The following MYO1F variants were observed in gnomAD, a reference collection of about 807,000 sequenced individuals.
MYO1F encodes the protein unconventional myosin-If.
A neutral mutation model predicts 146.6 loss-of-function variants in MYO1F; 60 were observed. The observed-to-expected ratio is 0.41, with a 90% CI of 0.33 to 0.51. The LOEUF (loss-of-function observed/expected upper bound fraction) is 0.51, where lower values mean the gene tolerates loss of function less well. MYO1F is among the 20% of genes least tolerant of loss of function. The pLI, the probability that MYO1F is intolerant of heterozygous loss-of-function variation, is 0.25. For synonymous variants in MYO1F, 602 were observed against 602.1 expected (o/e 1.00, Z 0.00); for missense variants, 1,274 against 1,534.3 (o/e 0.83, Z 2.83).
intron 1 of MYO1F, among the ~76,000 whole-genome samples, chr19:8,556,329 C>T (rs1291626963): frequency 6.7e-6 from 1 of 150,256 alleles, no homozygotes; most frequent in Non-Finnish European, 1.5e-5. Context: ...CGCACCCGGC[C>T]TCTTTTTTTT....
Position 8,577,010 on chromosome 19 carries a change from G to A in MYO1F, c.3+297C>T. ...TTAATTTGCAAGCAAAGGAGGCTAT[G>A]TCCTTGTCCCTGCAGACTCTGTGAT... On this transcript the variant is annotated intron_variant, in intron 1 of 27. Coordinates refer to ENST00000644032, the MANE Select transcript of MYO1F (RefSeq NM_012335.4). This position sits in a 1 kb window ranked among gnomAD's most constrained non-coding sequence, Gnocchi z 4.3. The A allele has an allele frequency of 1.7e-6, 1 of 582,382 alleles. No individual in the cohort carries two copies. Among genetic ancestry groups the A allele is most frequent in the South Asian group, 2.0e-5 (1 of 49,588 alleles). 36.1% of individuals were successfully genotyped at this position (582,382 alleles called of 1,614,324 possible). A position where few individuals can be genotyped will look rare whatever the true frequency, so the allele number is the denominator to read the frequency against.
intron 1 of MYO1F, among the ~76,000 whole-genome samples, chr19:8,571,581 A>T (rs1236386281): frequency 7.0e-6 from 1 of 143,524 alleles, no homozygotes; most frequent in African/African-American, 2.6e-5. Context: ...CGCCCGGCTA[A>T]TTTTTTTTTT....
At chr19:8,565,276 C>T (rs1196308946) in intron 1 of MYO1F, among the ~76,000 whole-genome samples, 1 of 152,060 alleles carries the variant, frequency 6.6e-6, no homozygotes, top group African/African-American at 2.4e-5. Flanking sequence ...GGTGCAGTAG[C>T]TCACGCCTGT....
rs939649517 is a variant in MYO1F, at chr19:8,555,710, T to A, written c.90A>T (p.Glu30Asp). The A allele has an allele frequency of 2.5e-6, 4 of 1,614,016 alleles. 1 individual carries two copies. The highest frequency in any genetic ancestry group is 3.4e-6 in the Non-Finnish European group (4 of 1,180,040). ...DDMVLLPQITEDAIAANLRKR... is the reference protein window; with the variant it reads ...DDMVLLPQITDDAIAANLRKR... ...TCCGGAGGTTGGCGGCAATGGCGTCTTCGGTGATCTGGGGAAGAAGCACCA... is the reference window on the plus strand; with the variant it reads ...TCCGGAGGTTGGCGGCAATGGCGTCATCGGTGATCTGGGGAAGAAGCACCA... Residue 30 changes from glutamate to aspartate, a missense_variant, in exon 2 of 28, where the codon GAA becomes GAT. Coordinates refer to ENST00000644032, the MANE Select transcript of MYO1F (RefSeq NM_012335.4).
rs1221238194 is a variant in MYO1F, at chr19:8,536,260, G to A, written c.2035C>T (p.Pro679Ser). 1 of 1,605,174 alleles carries A rather than the reference G, an allele frequency of 6.2e-7. No homozygotes were observed. The highest frequency in any genetic ancestry group is 8.5e-7 in the Non-Finnish European group (1 of 1,179,932). The stretch of plus-strand genomic sequence containing the variant: ...CCCTCAAACACACTCACCGACTCTG[G>A]GTTCTTGACAAAGACCTTGGTGCTC... ...MGSTKVFVKN[P>S]ESLFLLEEVR... Residue 679 changes from proline (P) to serine (S), a missense_variant, in exon 19 of 28, where the codon CCA (proline) becomes TCA (serine). This residue lies in a region of MYO1F where 900 missense variants were observed against 1,155.1 expected (regional missense o/e 0.78). Transcript: ENST00000644032.
At position 8,550,330 on chromosome 19, in the gene MYO1F, C is replaced by T. The variant is rs1237539572; in HGVS notation, c.931G>A (p.Gly311Ser). 6.2e-7 allele frequency: 1 copy of T among 1,613,492 alleles called. No homozygotes were observed. The highest frequency in any genetic ancestry group is 2.2e-5 in the East Asian group (1 of 44,852). The change falls in exon 10 of 28, where the codon GGC (glycine) becomes AGC (serine). Residue 311 changes from glycine (G) to serine (S), a missense_variant. Physicochemically the swap from Gly to Ser is moderately conservative, Grantham distance 56 (BLOSUM62 0). This residue lies in a region of MYO1F where 900 missense variants were observed against 1,155.1 expected (regional missense o/e 0.78). Coordinates refer to ENST00000644032, the MANE Select transcript of MYO1F (RefSeq NM_012335.4). ...DLLAFPAYLL[G>S]IDSGRLQEKL... The stretch of plus-strand genomic sequence containing the variant: ...TCCTGCAGTCGCCCGCTGTCAATGC[C>T]CAGCAGGTAGGCGGGAAAGGCCAGG...
At chr19:8,532,901 A>AAAATATATAT (rs1172873322) in intron 19 of MYO1F, among the ~76,000 whole-genome samples, 8 of 47,842 alleles carry the variant, frequency 1.7e-4, no homozygotes, top group African/African-American at 8.6e-4. Flanking sequence ...AAAAAAAAAA[A>AAAATATATAT]ATACACACAC....
chr19:8,557,939 T>C (rs1973926626), intron 1 of MYO1F, among the ~76,000 whole-genome samples: 1 of 152,088 alleles, frequency 6.6e-6, no homozygotes, highest in Non-Finnish European at 1.5e-5. Flanking sequence ...ACATACCAGC[T>C]GGTCCCTTTG....
chr19:8,522,464 T>A lies in MYO1F; in HGVS notation c.3133A>T (p.Arg1045Trp). 2 of 1,614,080 alleles carry A rather than the reference T, an allele frequency of 1.2e-6. No homozygotes were observed. The highest frequency in any genetic ancestry group is 1.7e-6 in the Non-Finnish European group (2 of 1,180,014). Residue 1045 changes from arginine to tryptophan, a missense_variant, in exon 27 of 28, where the codon AGG (arginine) becomes TGG (tryptophan). Arg to Trp is a moderately radical substitution (Grantham distance 101). Around this residue, in one of 2 missense-constraint regions of MYO1F, gnomAD observed 374 missense variants for 379.2 expected, o/e 0.99. Coordinates refer to ENST00000644032, the MANE Select transcript of MYO1F (RefSeq NM_012335.4). ...PKPQPRTHGP[R>W]CRALYQYVGQ... is the part of the protein sequence containing the mutation. Reference sequence around the variant, plus strand: ...ACGTACTGGTATAGGGCCCGGCACCTGGGACCATGTGTCCGAGGCTGGGGC... The same window carrying A: ...ACGTACTGGTATAGGGCCCGGCACCAGGGACCATGTGTCCGAGGCTGGGGC...
intron 1 of MYO1F, among the ~76,000 whole-genome samples, chr19:8,574,577 T>TTCTTTCTTTCTTTCTCTCTC (rs1335184271): frequency 2.6e-4 from 21 of 79,790 alleles, no homozygotes; most frequent in South Asian, 4.8e-4. Context: ...CTTTCTTTCT[T>TTCTTTCTTTCTTTCTCTCTC]TCTCTCTCTC....
At chr19:8,537,123 C>T (rs1202458358) in intron 16 of MYO1F, 68 bp from the exon 17 acceptor site, 10 of 1,057,942 alleles carry the variant, frequency 9.5e-6, no homozygotes, top group African/African-American at 1.6e-5. Flanking sequence ...CTCTTTTTTC[C>T]ACCCTGGATA....
In MYO1F at chr19:8,526,486, C is replaced by T. The variant is rs754974610; in HGVS notation, c.2737G>A (p.Val913Ile). ...TTGGGCAGCCCATCGCCCACGCTGA[C>T]CGTGAGGGTCCGACCGCCAACCTTG... ...VLKVGGRTLT[V>I]SVGDGLPKSS... Residue 913 changes from valine to isoleucine, a missense_variant, in exon 24 of 28, where the codon GTC (valine) becomes ATC (isoleucine). Transcript: ENST00000644032. 3.8e-6 allele frequency: 6 copies of T among 1,567,742 alleles called. No homozygotes were observed. In the Admixed American group the frequency reaches 5.8e-5, roughly 15 times the overall value.
intron 25 of MYO1F, among the ~76,000 whole-genome samples, chr19:8,523,184 A>G (rs1222511605): frequency 2.0e-5 from 3 of 151,788 alleles, no homozygotes; most frequent in Non-Finnish European, 4.4e-5. Flanking sequence ...GGCACCTGCC[A>G]CCACGCCTGG....
At chr19:8,560,742 AT>A (rs71175875) in intron 1 of MYO1F, among the ~76,000 whole-genome samples, 27 of 133,868 alleles carry the variant, frequency 2.0e-4, no homozygotes, top group Non-Finnish European at 1.9e-4. Flanking sequence ...CGCCTGGCTA[AT>A]TTTTTTTTTT....
rs1972720664 is a variant in MYO1F, at chr19:8,536,478, CG to C, written c.1898+20del. The C allele has an allele frequency of 3.6e-6, 5 of 1,407,802 alleles. No individual in the cohort carries two copies. In the East Asian group the frequency reaches 1.1e-4, roughly 32 times the overall value. The allele number at this position is 1,407,802 out of a possible 1,614,324, so 87.2% of individuals were successfully genotyped here. A position where few individuals can be genotyped will look rare whatever the true frequency, so the allele number is the denominator to read the frequency against. The stretch of plus-strand genomic sequence containing the variant: ...GTTCTGATGAAGGGGATGGCGAGGG[CG>C]GGGGTGGAGGGCTCCTCACCTCTGC... On this transcript the variant is annotated intron_variant, in intron 18 of 27. Coordinates refer to ENST00000644032, the MANE Select transcript of MYO1F (RefSeq NM_012335.4).
At position 8,521,510 on chromosome 19, in the gene MYO1F, A is replaced by C; in HGVS notation, c.*18T>G. ...CAGATAGGCGGGCGAAAGAGAAGGC[A>C]GTATCCCAGGGCCCAGCTCAGATCT... On this transcript the variant is annotated 3_prime_UTR_variant, in exon 28 of 28. Coordinates refer to ENST00000644032, the MANE Select transcript of MYO1F (RefSeq NM_012335.4). 6.2e-7 allele frequency: 1 copy of C among 1,612,256 alleles called. No individual in the cohort carries two copies. Among genetic ancestry groups the C allele is most frequent in the Non-Finnish European group, 8.5e-7 (1 of 1,179,128 alleles).
chr19:8,550,390 AGTTG>A, intron 9 of MYO1F, 34 bp from the exon 10 acceptor site: 3 of 1,595,930 alleles, frequency 1.9e-6, no homozygotes, highest in Non-Finnish European at 2.6e-6. Context: ...AAAATGGGAC[AGTTG>A]GTTGGGCTCT....
At chr19:8,561,613 C>A (rs1168796122) in intron 1 of MYO1F, among the ~76,000 whole-genome samples, 2 of 125,974 alleles carry the variant, frequency 1.6e-5, no homozygotes, top group Non-Finnish European at 3.2e-5. Flanking sequence ...TTTTTTCTTT[C>A]TCTCTTTCTT....
intron 25 of MYO1F, among the ~76,000 whole-genome samples, chr19:8,524,417 A>T (rs1972181297): frequency 1.7e-5 from 1 of 58,298 alleles, no homozygotes; most frequent in African/African-American, 1.3e-4. Context: ...ACTCTGTCTC[A>T]AAAAAAAAAA....
Sources: gnomAD v4.1 joint callset for allele counts (sites outside exome capture counted in the v4.1 genomes callset) on GRCh38, gnomAD v4.1.1 for gene constraint, gnomAD v4.1.1 regional missense constraint, Gnocchi (gnomAD v3.1) non-coding constraint, MANE v1.5 for transcripts, NCBI Gene and HGNC (gene_info 2026-07-23, HGNC 2026-07-21) for gene names.